Variants in SMOC1 observed in about 807,000 individuals in gnomAD.
The protein encoded by SMOC1 is SPARC-related modular calcium-binding protein 1.
A neutral mutation model predicts 56.3 loss-of-function variants in SMOC1; 22 were observed. The observed-to-expected ratio is 0.39, with a 90% confidence interval of 0.28 to 0.56. The LOEUF is 0.56. SMOC1 is among the 20% of genes least tolerant of loss of function. The probability of loss-of-function intolerance (pLI) is 0.61; values close to 1 mark genes in which losing one functional copy is unlikely to be tolerated. For synonymous variants in SMOC1, 193 were observed against 215.0 expected, an observed-to-expected ratio of 0.90 and a Z score of 0.89; for missense variants, 509 against 565.4, an observed-to-expected ratio of 0.90 and a Z score of 1.01.
intron 5 of SMOC1, among the ~76,000 whole-genome samples, chr14:69,984,266 T>C (rs547581302): frequency 1.3e-5 from 2 of 152,314 alleles, no homozygotes; most frequent in Middle Eastern, 3.4e-3. Flanking sequence ...TCAGACCTGA[T>C]ATGAAAATGA....
At chr14:69,883,288 C>T (rs1883695872) in intron 1 of SMOC1, among the ~76,000 whole-genome samples, 1 of 152,130 alleles carries the variant, frequency 6.6e-6, no homozygotes, top group South Asian at 2.1e-4. Flanking sequence ...TTCCCTCTCC[C>T]CTCTTCCTTC....
chr14:69,910,094 G>A (rs1884517707), intron 1 of SMOC1, among the ~76,000 whole-genome samples: 1 of 152,190 alleles, frequency 6.6e-6, no homozygotes, highest in South Asian at 2.1e-4. Context: ...CTAGATAGAG[G>A]AAATTACTTA....
chr14:69,952,033 T>C (rs1883014996), intron 1 of SMOC1, 105 bp from the exon 2 acceptor site: 2 of 1,339,430 alleles, frequency 1.5e-6, no homozygotes, highest in East Asian at 4.6e-5. Flanking sequence ...TTGGGTTTAT[T>C]AGGGACTTAC....
intron 10 of SMOC1, among the ~76,000 whole-genome samples, chr14:70,017,771 T>C (rs1885571253): frequency 6.6e-6 from 1 of 152,074 alleles, no homozygotes; most frequent in African/African-American, 2.4e-5. Flanking sequence ...GGAAGGGAGA[T>C]ACAGAACAAC....
At chr14:69,879,856 A>G in intron 1 of SMOC1, 79 bp downstream of exon 1, 2 of 1,286,870 alleles carry the variant, frequency 1.6e-6, no homozygotes, top group Non-Finnish European at 2.1e-6. Flanking sequence ...GGGAAGGAGG[A>G]GGGGGAAGAG....
chr14:70,027,896 T>TC (rs1009404697), intron 11 of SMOC1, among the ~76,000 whole-genome samples: 1 of 152,120 alleles, frequency 6.6e-6, no homozygotes, highest in African/African-American at 2.4e-5. Flanking sequence ...ATCCCTCTGC[T>TC]CTGCAGGGCG....
At chr14:69,980,727 C>A (rs564208334) in intron 5 of SMOC1, among the ~76,000 whole-genome samples, 2 of 152,190 alleles carry the variant, frequency 1.3e-5, no homozygotes, top group African/African-American at 4.8e-5. Context: ...AGCTTGTGCC[C>A]GCACATGGCT....
intron 1 of SMOC1, among the ~76,000 whole-genome samples, chr14:69,938,524 G>A (rs117723845): frequency 0.013 from 1,985 of 152,272 alleles, 26 homozygotes; most frequent in Non-Finnish European, 0.018. Flanking sequence ...TGTCTTGCAG[G>A]TTCAGTGGCT....
chr14:69,947,480 C>T (rs1882828143), intron 1 of SMOC1, among the ~76,000 whole-genome samples: 1 of 152,174 alleles, frequency 6.6e-6, no homozygotes, highest in South Asian at 2.1e-4. Flanking sequence ...TCAGGTATTT[C>T]TTCATAGCAA....
intron 7 of SMOC1, among the ~76,000 whole-genome samples, chr14:70,008,800 G>A (rs1427001597): frequency 6.6e-6 from 1 of 152,196 alleles, no homozygotes; most frequent in Non-Finnish European, 1.5e-5. Flanking sequence ...CTCCTCTATT[G>A]CCTCTTTCAT....
At chr14:69,906,616 GT>G (rs1452320746) in intron 1 of SMOC1, among the ~76,000 whole-genome samples, 1 of 152,204 alleles carries the variant, frequency 6.6e-6, no homozygotes, top group Non-Finnish European at 1.5e-5. Flanking sequence ...AAGTTGCTAA[GT>G]TTTGGGAAAA....
chr14:69,936,015 G>A (rs77810819), intron 1 of SMOC1, among the ~76,000 whole-genome samples: 3,098 of 152,306 alleles, frequency 0.02, 43 homozygotes, highest in Non-Finnish European at 0.026. Context: ...GCATCTTTCA[G>A]CAATGATGGG....
At chr14:69,970,679 T>C (rs1883729613) in intron 3 of SMOC1, among the ~76,000 whole-genome samples, 1 of 152,170 alleles carries the variant, frequency 6.6e-6, no homozygotes, top group Non-Finnish European at 1.5e-5. Context: ...GTGTTGTTCA[T>C]CTGTCGGCCC....
rs772851702 is a variant in SMOC1 at position 69,950,895 on chromosome 14, C to T, written c.100-1243C>T. 3.3e-5 allele frequency among the ~76,000 whole-genome samples: 5 copies of T among 152,296 alleles called. No individual in the cohort carries two copies. In the South Asian group the frequency reaches 8.3e-4, roughly 25 times the overall value. On this transcript the variant is annotated intron_variant, in intron 1 of 11. Coordinates refer to ENST00000361956, the MANE Select transcript of SMOC1 (RefSeq NM_001034852.3). ...TACCACAAAACTTAACGGCTTAAAA[C>T]AATTTATTATTATAATCTTTCTCAG...
chr14:69,982,328 C>T (rs1365355078), intron 5 of SMOC1, among the ~76,000 whole-genome samples: 1 of 152,244 alleles, frequency 6.6e-6, no homozygotes, highest in Non-Finnish European at 1.5e-5. Context: ...AAAAGAAGAT[C>T]TCCCACTGGC....
chr14:69,910,399 G>A (rs1884525990), intron 1 of SMOC1, among the ~76,000 whole-genome samples: 1 of 152,196 alleles, frequency 6.6e-6, no homozygotes, highest in African/African-American at 2.4e-5. Flanking sequence ...ACACAGGTGG[G>A]TGGAAAGAAA....
chr14:69,888,298 G>A (rs1290529796), intron 1 of SMOC1, among the ~76,000 whole-genome samples: 1 of 152,138 alleles, frequency 6.6e-6, no homozygotes, highest in African/African-American at 2.4e-5. Flanking sequence ...GTGACTATAG[G>A]GTTTTCTTTT....
intron 5 of SMOC1, among the ~76,000 whole-genome samples, chr14:69,985,555 G>A (rs989011243): frequency 2.6e-5 from 4 of 152,124 alleles, no homozygotes; most frequent in Non-Finnish European, 5.9e-5. Flanking sequence ...CCCTACCCAC[G>A]GCCAACCATG....
At chr14:69,978,459 A>C (rs1171039783) in intron 5 of SMOC1, among the ~76,000 whole-genome samples, 2 of 152,170 alleles carry the variant, frequency 1.3e-5, no homozygotes, top group Non-Finnish European at 2.9e-5. Flanking sequence ...CGACCTGTGC[A>C]GTTGCTATCC....
Sources: gnomAD v4.1 joint callset for allele counts (sites outside exome capture counted in the v4.1 genomes callset) on GRCh38, gnomAD v4.1.1 for gene constraint, MANE v1.5 for transcripts, NCBI Gene and HGNC (gene_info 2026-07-23, HGNC 2026-07-21) for gene names.